Variants in SMAD1 observed in about 807,000 individuals in gnomAD.
SMAD1 encodes the protein SMAD family member 1, also known as MAD, mothers against decapentaplegic homolog 1.
In SMAD1, 6 loss-of-function variants were observed where a neutral mutation model predicts 41.6. The ratio of observed to expected loss-of-function variants is 0.14; its 90% CI spans 0.08 to 0.28. SMAD1 has a LOEUF of 0.28. Among genes scored for constraint, SMAD1 ranks in the 10% least tolerant of loss-of-function variants. The pLI is 1.00. For missense variants in SMAD1, 379 were observed against 582.6 expected (o/e 0.65, Z 3.60); for synonymous variants, 206 against 203.2 (o/e 1.01, Z -0.12).
At chr4:145,540,693 A>T (rs1231996786) in intron 3 of SMAD1, among the ~76,000 whole-genome samples, 1 of 151,608 alleles carries the variant, frequency 6.6e-6, no homozygotes, top group Admixed American at 6.6e-5. Context: ...TAATAAGGAC[A>T]TTATATATTT....
At chr4:145,504,268 A>C (rs1389551916) in intron 1 of SMAD1, among the ~76,000 whole-genome samples, 1 of 152,236 alleles carries the variant, frequency 6.6e-6, no homozygotes, top group African/African-American at 2.4e-5. Context: ...TTAAAGAAGC[A>C]TTTGAACATT....
intron 1 of SMAD1, among the ~76,000 whole-genome samples, chr4:145,494,990 T>A (rs192888915): frequency 6.6e-6 from 1 of 152,322 alleles, no homozygotes; most frequent in East Asian, 1.9e-4. Flanking sequence ...TCCCGGAGTC[T>A]GCAAATGAGT....
chr4:145,520,330 G>A (rs1730670965), intron 2 of SMAD1, among the ~76,000 whole-genome samples: 2 of 152,182 alleles, frequency 1.3e-5, no homozygotes, highest in South Asian at 4.1e-4. Flanking sequence ...CTCTTCAGTG[G>A]ATGAATGTGT....
chr4:145,485,242 GT>G (rs1728424488), intron 1 of SMAD1, among the ~76,000 whole-genome samples: 1 of 151,944 alleles, frequency 6.6e-6, no homozygotes, highest in Non-Finnish European at 1.5e-5. Context: ...TGACTAATTT[GT>G]TTTTGTATTT....
chr4:145,554,214 A>G (rs1056499951), intron 6 of SMAD1, among the ~76,000 whole-genome samples, 174 bp downstream of exon 6: 4 of 151,970 alleles, frequency 2.6e-5, no homozygotes, highest in Middle Eastern at 3.4e-3. Flanking sequence ...TTAGGAAAAT[A>G]TCATTGGAAC....
intron 1 of SMAD1, among the ~76,000 whole-genome samples, chr4:145,503,438 G>A (rs1712030677): frequency 1.3e-5 from 2 of 152,190 alleles, no homozygotes; most frequent in South Asian, 4.1e-4. Context: ...CATCAGTAAA[G>A]AGCAAGGTTT....
At chr4:145,532,585 G>A (rs1731375521) in intron 2 of SMAD1, among the ~76,000 whole-genome samples, 1 of 152,174 alleles carries the variant, frequency 6.6e-6, no homozygotes, top group Admixed American at 6.5e-5. Flanking sequence ...TTAACATTGG[G>A]CTCTTCTTTG....
chr4:145,506,043 C>G (rs1729757523), intron 1 of SMAD1, among the ~76,000 whole-genome samples: 3 of 151,962 alleles, frequency 2.0e-5, no homozygotes, highest in African/African-American at 7.3e-5. Flanking sequence ...AGGGTTTCAC[C>G]ATGTTGGCCA....
rs1266297600 is a variant in SMAD1, at chr4:145,517,782, T to C, written c.400+2769T>C. Among the ~76,000 whole-genome samples the C allele has an allele frequency of 1.6e-5, 2 of 125,238 alleles. 1 individual carries two copies. The highest frequency in any genetic ancestry group is 3.9e-5 in the Non-Finnish European group (2 of 50,886). 82.2% of individuals were successfully genotyped at this position (125,238 alleles called of 152,430 possible). ...TGAAAAGTTAAAACCAATACTGAGA[T>C]GAATTTGTTACTCTTAATAACATAT... On this transcript the variant is annotated intron_variant, in intron 2 of 6. Transcript: ENST00000302085.
At chr4:145,557,706 T>G in intron 6 of SMAD1, 85 bp from the exon 7 acceptor site, 1 of 1,052,436 alleles carries the variant, frequency 9.5e-7, no homozygotes, top group Non-Finnish European at 1.4e-6. Flanking sequence ...TTAATCAGAG[T>G]CTTTGGTTAT....
At chr4:145,515,885 T>C (rs1431352371) in intron 2 of SMAD1, among the ~76,000 whole-genome samples, 1 of 152,182 alleles carries the variant, frequency 6.6e-6, no homozygotes. Context: ...GATAGCCTGG[T>C]AATCTTTGTT....
chr4:145,512,399 C>A (rs1050953062), intron 1 of SMAD1, among the ~76,000 whole-genome samples: 2 of 152,152 alleles, frequency 1.3e-5, no homozygotes, highest in Non-Finnish European at 2.9e-5. Flanking sequence ...TCACTAGAGC[C>A]ATTATGTCTC....
chr4:145,522,509 G>A (rs1730799386), intron 2 of SMAD1, among the ~76,000 whole-genome samples: 1 of 151,972 alleles, frequency 6.6e-6, no homozygotes, highest in Non-Finnish European at 1.5e-5. Context: ...TGAGGCAGGA[G>A]AATCGCTTGA....
chr4:145,494,585 G>A (rs1560724382), intron 1 of SMAD1, among the ~76,000 whole-genome samples: 1 of 152,198 alleles, frequency 6.6e-6, no homozygotes, highest in African/African-American at 2.4e-5. Flanking sequence ...CGTGTGAACA[G>A]CTACCACCAC....
rs765216463 is a variant in SMAD1 at position 145,514,852 on chromosome 4, G to C, written c.239G>C (p.Arg80Pro). 6.2e-7 allele frequency: 1 copy of C among 1,614,036 alleles called. No homozygotes were observed. Among genetic ancestry groups the C allele is most frequent in the South Asian group, 1.1e-5 (1 of 91,062 alleles). Residue 80 changes from arginine to proline, a missense_variant, in exon 2 of 7, where the codon CGG (arginine) becomes CCG (proline). By Grantham distance (103) the Arg-to-Pro change is moderately radical. Coordinates refer to ENST00000302085, the MANE Select transcript of SMAD1 (RefSeq NM_005900.3). This position sits in a 1 kb window ranked among gnomAD's most constrained non-coding sequence, Gnocchi z 4.7. ...GATGGCAGGCTGCAAGTCTCCCACC[G>C]GAAGGGACTGCCTCATGTCATTTAC... is the stretch of plus-strand genomic sequence containing the variant. ...SLDGRLQVSH[R>P]KGLPHVIYCR... is the part of the protein sequence containing the mutation.
intron 1 of SMAD1, among the ~76,000 whole-genome samples, chr4:145,485,310 A>G (rs1409194329): frequency 2.0e-5 from 3 of 152,184 alleles, no homozygotes; most frequent in Non-Finnish European, 2.9e-5. Flanking sequence ...TCCTGGGCTC[A>G]AGCTGTTCTC....
intron 2 of SMAD1, among the ~76,000 whole-genome samples, chr4:145,534,927 C>A (rs1362325961): frequency 6.6e-6 from 1 of 150,524 alleles, no homozygotes; most frequent in Non-Finnish European, 1.5e-5. Context: ...AAAAAATATA[C>A]ATAAGTGAAA....
intron 6 of SMAD1, among the ~76,000 whole-genome samples, chr4:145,555,155 G>A (rs1415477150): frequency 6.6e-6 from 1 of 152,136 alleles, no homozygotes; most frequent in African/African-American, 2.4e-5. Flanking sequence ...CTGGTACCTT[G>A]TTAGTATTAA....
chr4:145,501,427 A>G (rs1163491820), intron 1 of SMAD1, among the ~76,000 whole-genome samples: 1 of 152,176 alleles, frequency 6.6e-6, no homozygotes, highest in African/African-American at 2.4e-5. Flanking sequence ...ATGAATATGG[A>G]TGTGTTTCCC....
Sources: allele counts gnomAD v4.1 joint callset (sites outside exome capture counted in the v4.1 genomes callset), GRCh38; gene constraint gnomAD v4.1.1; non-coding constraint Gnocchi (gnomAD v3.1); transcripts MANE v1.5; gene names NCBI Gene and HGNC (gene_info 2026-07-23, HGNC 2026-07-21).